The following DRC8 variants were observed in gnomAD, a reference collection of about 807,000 sequenced individuals.
The protein encoded by DRC8 is dynein regulatory complex protein 8.
At chr1:245,119,782 A>C in the DRC8 span, among the ~76,000 whole-genome samples, 2 of 151,882 alleles carry the variant, frequency 1.3e-5, no homozygotes, top group Admixed American at 6.6e-5. Flanking sequence ...AAATAGAACG[A>C]ATTAGCCACA....
chr1:244,975,684 C>T, the DRC8 span, among the ~76,000 whole-genome samples: 2 of 151,880 alleles, frequency 1.3e-5, no homozygotes, highest in African/African-American at 4.8e-5. Flanking sequence ...CATGGTGAAA[C>T]CCTGTCTCTA....
chr1:244,982,706 A>G, the DRC8 span, among the ~76,000 whole-genome samples: 1 of 152,174 alleles, frequency 6.6e-6, no homozygotes, highest in Non-Finnish European at 1.5e-5. Context: ...AACACCCAAG[A>G]ACCATGGGAT....
At chr1:245,038,183 T>G in the DRC8 span, among the ~76,000 whole-genome samples, 19,602 of 152,018 alleles carry the variant, frequency 0.13, 1,645 homozygotes, top group Middle Eastern at 0.26. Flanking sequence ...TGATAAAGAG[T>G]AAGGTGGCCC....
the DRC8 span, among the ~76,000 whole-genome samples, chr1:244,985,079 T>TTG: frequency 1.1e-3 from 33 of 30,988 alleles, no homozygotes; most frequent in African/African-American, 2.0e-3. Flanking sequence ...CTCCAGGGTT[T>TTG]TTTTTTTTTT....
the DRC8 span, among the ~76,000 whole-genome samples, chr1:245,003,565 T>A: frequency 6.6e-6 from 1 of 152,146 alleles, no homozygotes; most frequent in Non-Finnish European, 1.5e-5. Flanking sequence ...ATAATTATGT[T>A]TTCCTATTTG....
At chr1:245,102,065 A>G in the DRC8 span, among the ~76,000 whole-genome samples, 2 of 149,322 alleles carry the variant, frequency 1.3e-5, no homozygotes, top group Non-Finnish European at 3.0e-5. Context: ...TTTACAGATC[A>G]TTTTACTTGC....
chr1:245,119,101 C>G, the DRC8 span, among the ~76,000 whole-genome samples: 3 of 152,138 alleles, frequency 2.0e-5, no homozygotes, highest in Non-Finnish European at 4.4e-5. Flanking sequence ...TTGCTAGAAC[C>G]ATTAATAACA....
the DRC8 span, among the ~76,000 whole-genome samples, chr1:245,048,741 A>G: frequency 1.3e-5 from 2 of 152,060 alleles, no homozygotes; most frequent in South Asian, 2.1e-4. Flanking sequence ...TGTTATTTTC[A>G]TCATCACCAT....
the DRC8 span, among the ~76,000 whole-genome samples, chr1:245,003,701 C>T: frequency 6.6e-6 from 1 of 152,076 alleles, no homozygotes; most frequent in African/African-American, 2.4e-5. Flanking sequence ...GTGATCCTTC[C>T]ACCTCAGCCT....
the DRC8 span, among the ~76,000 whole-genome samples, chr1:245,047,974 C>CAAA: frequency 3.9e-5 from 4 of 102,832 alleles, no homozygotes. Context: ...GACTCTGTCT[C>CAAA]AAAAAAAAAA....
chr1:245,085,829 A>C, the DRC8 span, among the ~76,000 whole-genome samples: 3 of 152,320 alleles, frequency 2.0e-5, no homozygotes, highest in South Asian at 6.2e-4. Flanking sequence ...TGGCAGTGGG[A>C]ATGGCAATGG....
chr1:245,018,120 T>C, the DRC8 span, among the ~76,000 whole-genome samples: 1 of 149,430 alleles, frequency 6.7e-6, no homozygotes, highest in African/African-American at 2.5e-5. Context: ...CCAGCTACTT[T>C]GGAGGCTGAG....
chr1:245,072,725 G>A, the DRC8 span, among the ~76,000 whole-genome samples: 6 of 152,196 alleles, frequency 3.9e-5, no homozygotes, highest in South Asian at 8.3e-4. Flanking sequence ...GGTGGGAGGC[G>A]TTTGAATCAT....
the DRC8 span, among the ~76,000 whole-genome samples, chr1:245,018,213 C>T: frequency 2.4e-5 from 3 of 126,298 alleles, no homozygotes; most frequent in Admixed American, 2.9e-4. Flanking sequence ...GGCGACAGAG[C>T]GAGACTCTGT....
the DRC8 span, among the ~76,000 whole-genome samples, chr1:245,076,029 C>T: frequency 1.3e-5 from 2 of 152,112 alleles, no homozygotes; most frequent in African/African-American, 2.4e-5. Context: ...GTGTTGAATG[C>T]GCCTAGCAAT....
chr1:245,049,064 A>T, the DRC8 span, among the ~76,000 whole-genome samples: 1 of 151,386 alleles, frequency 6.6e-6, no homozygotes, highest in African/African-American at 2.4e-5. This position sits in a 1 kb window ranked among gnomAD's most constrained non-coding sequence, Gnocchi z 4.5. Flanking sequence ...CGACTCACGC[A>T]ACCTCCACCT....
the DRC8 span, among the ~76,000 whole-genome samples, chr1:245,081,578 C>T: frequency 6.6e-6 from 1 of 152,128 alleles, no homozygotes; most frequent in Non-Finnish European, 1.5e-5. Flanking sequence ...AAGTGGTTCT[C>T]CTGCTTCAGC....
At chr1:245,120,795 C>A in the DRC8 span, among the ~76,000 whole-genome samples, 1 of 152,220 alleles carries the variant, frequency 6.6e-6, no homozygotes, top group Non-Finnish European at 1.5e-5. Flanking sequence ...GGGAAGGCAC[C>A]TCGGGGGTGA....
At chr1:245,025,263 C>G in the DRC8 span, among the ~76,000 whole-genome samples, 1 of 152,184 alleles carries the variant, frequency 6.6e-6, no homozygotes, top group Non-Finnish European at 1.5e-5. Flanking sequence ...GAAAATGACT[C>G]TAATCTTATT....
Sources: gnomAD v4.1 joint callset for allele counts (sites outside exome capture counted in the v4.1 genomes callset) on GRCh38, gnomAD v4.1.1 for gene constraint, Gnocchi (gnomAD v3.1) non-coding constraint, MANE v1.5 for transcripts, NCBI Gene and HGNC (gene_info 2026-07-23, HGNC 2026-07-21) for gene names.